The following CACNA2D4 variants were observed in gnomAD, a reference collection of about 807,000 sequenced individuals.
The protein encoded by CACNA2D4 is calcium voltage-gated channel auxiliary subunit alpha2delta 4.
A neutral mutation model predicts 163.8 loss-of-function variants in CACNA2D4; 157 were observed. The ratio of observed to expected loss-of-function variants is 0.96; its 90% CI spans 0.84 to 1.09. The LOEUF (loss-of-function observed/expected upper bound fraction) is 1.09, where lower values mean the gene tolerates loss of function less well. Among genes scored for constraint, CACNA2D4 ranks in the 50% least tolerant of loss-of-function variants. The probability of loss-of-function intolerance (pLI) is 0.00; values close to 1 mark genes in which losing one functional copy is unlikely to be tolerated. For synonymous variants in CACNA2D4, 598 were observed against 586.9 expected (o/e 1.02, Z -0.27); for missense variants, 1,410 against 1,479.9 (o/e 0.95, Z 0.78).
chr12:1,850,398 A>T (rs889736237), intron 23 of CACNA2D4, among the ~76,000 whole-genome samples: 6 of 152,140 alleles, frequency 3.9e-5, no homozygotes, highest in Non-Finnish European at 5.9e-5. Context: ...TTTTCCTCTG[A>T]ACTGTTCGTA....
At chr12:1,912,193 A>G (rs1866841150) in intron 3 of CACNA2D4, among the ~76,000 whole-genome samples, 1 of 152,038 alleles carries the variant, frequency 6.6e-6, no homozygotes, top group Admixed American at 6.5e-5. Context: ...AATCCAGCCA[A>G]CCACTCCCGA....
At position 1,834,192 on chromosome 12, in the gene CACNA2D4, G is replaced by T; in HGVS notation, c.2551+6547C>A. The T allele has an allele frequency of 6.7e-7, 1 of 1,485,492 alleles. No homozygotes were observed. Among genetic ancestry groups the T allele is most frequent in the East Asian group, 2.3e-5 (1 of 43,540 alleles). 92.0% of individuals were successfully genotyped at this position (1,485,492 alleles called of 1,614,324 possible). ...ACTACCTTCTGGGGCTTCCGTTTTG[G>T]GGAGCTGGGGATGGGGAGAGGGAGT... On this transcript the variant is annotated intron_variant, in intron 26 of 37. Coordinates refer to ENST00000382722, the MANE Select transcript of CACNA2D4 (RefSeq NM_172364.5). The surrounding 1 kb of genome is among the most constrained non-coding windows in gnomAD (Gnocchi z 7.6).
intron 6 of CACNA2D4, among the ~76,000 whole-genome samples, chr12:1,894,213 C>A (rs925008853): frequency 6.6e-6 from 1 of 152,048 alleles, no homozygotes; most frequent in African/African-American, 2.4e-5. Context: ...CTGAACAGAC[C>A]AATAACACAT....
intron 26 of CACNA2D4, chr12:1,822,153 G>A (rs924171682): frequency 1.3e-5 from 2 of 152,184 alleles, no homozygotes; most frequent in Admixed American, 6.5e-5. Context: ...TAAGGAGAGA[G>A]GCTGCTTAAG....
intron 37 of CACNA2D4, 86 bp from the exon 38 acceptor site, chr12:1,793,845 A>C: frequency 9.1e-7 from 1 of 1,098,202 alleles, no homozygotes; most frequent in Non-Finnish European, 1.3e-6. Flanking sequence ...ATTTGGGCCA[A>C]AATCCTGGGG....
At position 1,856,109 on chromosome 12, in the gene CACNA2D4, C is replaced by A. The variant is rs1555182434; in HGVS notation, c.2055G>T (p.Trp685Cys). 6.2e-7 allele frequency: 1 copy of A among 1,613,842 alleles called. No individual in the cohort carries two copies. Among genetic ancestry groups the A allele is most frequent in the South Asian group, 1.1e-5 (1 of 91,080 alleles). The change falls in exon 22 of 38, where the codon TGG (tryptophan) becomes TGT (cysteine). Residue 685 changes from tryptophan to cysteine, a missense_variant and splice_region_variant. Transcript: ENST00000382722. ...LHPDLALAGDWIYCITDIDPD... is the reference protein window; with the variant it reads ...LHPDLALAGDCIYCITDIDPD... ...GGTCAATATCTGTGATGCAGTAGAT[C>A]CTGAAACCCAGGAAAGTCAGTGTTA...
chr12:1,818,508 A>G lies in CACNA2D4; in HGVS notation c.2552-6785T>C, dbSNP rs1459110358. ...GCTCACTGAAACATGTGCTGTGTCC[A>G]CTCAGGGTTAAATGGATTAAGGGCG... On this transcript the variant is annotated intron_variant, in intron 26 of 37. Coordinates refer to ENST00000382722, the MANE Select transcript of CACNA2D4 (RefSeq NM_172364.5). Among the ~76,000 whole-genome samples the G allele has an allele frequency of 1.6e-4, 25 of 151,874 alleles. 1 individual carries two copies. The South Asian group carries it at 5.0e-3, about 30-fold the overall frequency.
chr12:1,881,968 T>C (rs1360319201), intron 13 of CACNA2D4, among the ~76,000 whole-genome samples: 2 of 152,238 alleles, frequency 1.3e-5, no homozygotes, highest in Non-Finnish European at 2.9e-5. Flanking sequence ...GCCTCCTTTG[T>C]CAGCACAGGG....
Position 1,795,375 on chromosome 12 carries a change from G to T in CACNA2D4, c.3233C>A (p.Ala1078Asp), listed in dbSNP as rs756482741. ...LQEATEVKYN[A>D]SVKCDRMRSQ... Reference sequence around the variant, plus strand: ...GCGCATCCGGTCACATTTGACAGAGGCATTATGTGCAGAAGCCACTGTTAA... The same window carrying T: ...GCGCATCCGGTCACATTTGACAGAGTCATTATGTGCAGAAGCCACTGTTAA... Residue 1078 changes from alanine to aspartate, a missense_variant, in exon 37 of 38, where the codon GCC becomes GAC. By Grantham distance (126) the Ala-to-Asp change is moderately radical. Coordinates refer to ENST00000382722, the MANE Select transcript of CACNA2D4 (RefSeq NM_172364.5). The T allele has an allele frequency of 6.2e-7, 1 of 1,610,264 alleles. No individual in the cohort carries two copies.
At chr12:1,895,255 T>G (rs952842482) in intron 6 of CACNA2D4, among the ~76,000 whole-genome samples, 1 of 152,106 alleles carries the variant, frequency 6.6e-6, no homozygotes, top group Non-Finnish European at 1.5e-5. Flanking sequence ...AGATTTTATG[T>G]TTATGGACTG....
chr12:1,809,254 G>A, intron 29 of CACNA2D4: 1 of 501,616 alleles, frequency 2.0e-6, no homozygotes. Context: ...GCCCTACCAT[G>A]CGTGGAGGTG....
At chr12:1,871,550 C>T (rs1212654685) in intron 18 of CACNA2D4, among the ~76,000 whole-genome samples, 1 of 145,554 alleles carries the variant, frequency 6.9e-6, no homozygotes, top group Non-Finnish European at 1.5e-5. Flanking sequence ...TGCGTGTGTA[C>T]ACGTGTGTGC....
At chr12:1,873,446 G>A (rs1353194397) in intron 18 of CACNA2D4, among the ~76,000 whole-genome samples, 1 of 152,196 alleles carries the variant, frequency 6.6e-6, no homozygotes, top group Non-Finnish European at 1.5e-5. Context: ...AAAGCAGCAC[G>A]AGATTCCTGG....
chr12:1,808,761 C>T (rs1436209315), intron 29 of CACNA2D4, among the ~76,000 whole-genome samples: 2 of 152,342 alleles, frequency 1.3e-5, no homozygotes, highest in Admixed American at 6.5e-5. Context: ...GGTCGGAGCA[C>T]GAATGAGGGG....
intron 6 of CACNA2D4, among the ~76,000 whole-genome samples, chr12:1,906,786 A>G (rs894943125): frequency 1.3e-5 from 2 of 152,244 alleles, no homozygotes; most frequent in Non-Finnish European, 2.9e-5. Flanking sequence ...GCACTCCAAG[A>G]GAGAGATTGA....
intron 26 of CACNA2D4, 142 bp from the exon 27 acceptor site, chr12:1,811,865 A>T: frequency 1.2e-5 from 8 of 694,478 alleles, no homozygotes; most frequent in East Asian, 3.0e-5. Flanking sequence ...CAGAGGGCAG[A>T]GTGCAAACTG....
chr12:1,810,718 A>G (rs2154445818), intron 27 of CACNA2D4, 131 bp from the exon 28 acceptor site: 1 of 902,388 alleles, frequency 1.1e-6, no homozygotes, highest in Non-Finnish European at 1.8e-6. Context: ...GTATCTGCAC[A>G]TGGAGGGCAC....
At chr12:1,885,857 G>A (rs766574615) in intron 9 of CACNA2D4, 108 bp downstream of exon 9, 2 of 779,656 alleles carry the variant, frequency 2.6e-6, no homozygotes, top group Non-Finnish European at 4.3e-6. Flanking sequence ...CATTCCAGGT[G>A]CCATGGGAAT....
In CACNA2D4 at chr12:1,856,044, C is replaced by T. The variant is rs76064926; in HGVS notation, c.2120G>A (p.Arg707His). ...GTCTGGGTCCTTCCTGGTGAGGAAGCGGATCATGGCCTCTAGCTGGCTGAG... is the reference window on the plus strand; with the variant it reads ...GTCTGGGTCCTTCCTGGTGAGGAAGTGGATCATGGCCTCTAGCTGGCTGAG... ...RKLSQLEAMIRFLTRKDPDLE... is the reference protein window; with the variant it reads ...RKLSQLEAMIHFLTRKDPDLE... Residue 707 changes from arginine to histidine, a missense_variant, in exon 22 of 38, where the codon CGC becomes CAC. Physicochemically the swap from Arg to His is conservative, Grantham distance 29 (BLOSUM62 0). Coordinates refer to ENST00000382722, the MANE Select transcript of CACNA2D4 (RefSeq NM_172364.5). The T allele has an allele frequency of 1.6e-3, 2,510 of 1,613,962 alleles. 33 individuals are homozygous for T. The East Asian group carries it at 0.025, about 16-fold the overall frequency.
Sources: gnomAD v4.1 joint callset for allele counts (sites outside exome capture counted in the v4.1 genomes callset) on GRCh38, gnomAD v4.1.1 for gene constraint, Gnocchi (gnomAD v3.1) non-coding constraint, MANE v1.5 for transcripts, NCBI Gene and HGNC (gene_info 2026-07-23, HGNC 2026-07-21) for gene names.